Variants in CLVS1 observed in about 807,000 individuals in gnomAD.
The protein encoded by CLVS1 is clavesin 1.
CLVS1 carries 10 observed loss-of-function variants against 33.1 expected under a neutral mutation model. The ratio of observed to expected loss-of-function variants is 0.30; its 90% CI spans 0.19 to 0.51. The LOEUF (loss-of-function observed/expected upper bound fraction) is 0.51, where lower values mean the gene tolerates loss of function less well. CLVS1 is among the 20% of genes least tolerant of loss of function. The pLI is 0.97. For synonymous variants in CLVS1, 163 were observed against 166.1 expected (o/e 0.98, Z 0.14); for missense variants, 343 against 433.4 (o/e 0.79, Z 1.85).
intron 1 of CLVS1, among the ~76,000 whole-genome samples, chr8:61,295,636 C>A (rs1324169290): frequency 1.3e-5 from 2 of 152,086 alleles, no homozygotes; most frequent in Non-Finnish European, 2.9e-5. Flanking sequence ...GGTCTTAAAT[C>A]ATAAATAATA....
chr8:60,985,573 A>G, the CLVS1 span, among the ~76,000 whole-genome samples: 1 of 152,148 alleles, frequency 6.6e-6, no homozygotes, highest in Non-Finnish European at 1.5e-5. Context: ...CCTGCCTCAT[A>G]ATTCTCTGCT....
At chr8:61,484,730 T>C (rs1164916741) in intron 5 of CLVS1, among the ~76,000 whole-genome samples, 2 of 152,174 alleles carry the variant, frequency 1.3e-5, no homozygotes, top group African/African-American at 4.8e-5. Context: ...AGCATGGTAC[T>C]GGTACCAAAA....
At chr8:61,273,656 A>C (rs959670547) in intron 2 of CLVS1, among the ~76,000 whole-genome samples, 4 of 152,180 alleles carry the variant, frequency 2.6e-5, no homozygotes, top group African/African-American at 9.7e-5. Flanking sequence ...CCGTGGGCGT[A>C]GGACCCTCCG....
chr8:61,323,926 G>T (rs2349837), intron 2 of CLVS1, among the ~76,000 whole-genome samples: 1 of 152,094 alleles, frequency 6.6e-6, no homozygotes, highest in Non-Finnish European at 1.5e-5. Context: ...AGTTTGCCAA[G>T]GATAATGACC....
chr8:61,054,593 A>C (rs1804444882), upstream of CLVS1, among the ~76,000 whole-genome samples: 1 of 151,986 alleles, frequency 6.6e-6, no homozygotes, highest in African/African-American at 2.4e-5. Context: ...AGCGTCTTAA[A>C]GATACTTGGT....
chr8:60,968,722 C>G, the CLVS1 span, among the ~76,000 whole-genome samples: 1 of 151,660 alleles, frequency 6.6e-6, no homozygotes, highest in Non-Finnish European at 1.5e-5. Flanking sequence ...AACCCCATCT[C>G]TACAAAAAAT....
chr8:61,258,553 AGTT>A (rs1809133685), intron 2 of CLVS1, among the ~76,000 whole-genome samples: 1 of 152,208 alleles, frequency 6.6e-6, no homozygotes, highest in South Asian at 2.1e-4. Context: ...ACAAAGTGCA[AGTT>A]AGTTGCACCA....
intron 1 of CLVS1, among the ~76,000 whole-genome samples, chr8:61,069,423 TC>T: frequency 6.6e-6 from 1 of 152,224 alleles, no homozygotes. Context: ...CTTCCTTCCT[TC>T]CTTCCTCTGT....
At chr8:61,205,252 T>C (rs995164163) in intron 2 of CLVS1, among the ~76,000 whole-genome samples, 6 of 152,140 alleles carry the variant, frequency 3.9e-5, no homozygotes, top group Non-Finnish European at 5.9e-5. Context: ...TCCACAAGTT[T>C]TTCATCTTTC....
chr8:61,095,558 A>G (rs1457245140), intron 1 of CLVS1, among the ~76,000 whole-genome samples: 2 of 152,196 alleles, frequency 1.3e-5, no homozygotes, highest in Admixed American at 1.3e-4. Flanking sequence ...AACCCCAGGT[A>G]GGCCAGCGAC....
intron 4 of CLVS1, among the ~76,000 whole-genome samples, chr8:61,454,799 A>G (rs765905257): frequency 6.6e-6 from 1 of 152,162 alleles, no homozygotes; most frequent in African/African-American, 2.4e-5. Flanking sequence ...TTTTCCATCA[A>G]TCAGAGTTGG....
At chr8:61,394,631 C>T (rs1814444523) in intron 3 of CLVS1, among the ~76,000 whole-genome samples, 1 of 152,128 alleles carries the variant, frequency 6.6e-6, no homozygotes, top group South Asian at 2.1e-4. Context: ...CGGTGACAGG[C>T]CTCACCCAGC....
the CLVS1 span, among the ~76,000 whole-genome samples, chr8:61,046,897 A>G: frequency 6.6e-6 from 1 of 152,148 alleles, no homozygotes; most frequent in East Asian, 1.9e-4. Flanking sequence ...GGGCTGAGAC[A>G]ATGGGGTTTT....
intron 2 of CLVS1, among the ~76,000 whole-genome samples, chr8:61,240,263 C>T (rs1183526159): frequency 6.6e-6 from 1 of 152,198 alleles, no homozygotes; most frequent in Non-Finnish European, 1.5e-5. Context: ...CTTCTCTCAC[C>T]TCCGTTCTCC....
At chr8:61,391,068 A>G (rs1814285126) in intron 3 of CLVS1, 1 of 151,594 alleles carries the variant, frequency 6.6e-6, no homozygotes, top group Admixed American at 6.6e-5. Context: ...CTATTTCTCT[A>G]TGTATTTTGA....
intron 2 of CLVS1, among the ~76,000 whole-genome samples, chr8:61,239,190 C>T (rs1808637487): frequency 6.6e-6 from 1 of 151,818 alleles, no homozygotes; most frequent in South Asian, 2.1e-4. Flanking sequence ...TTGTTTAATC[C>T]CCTCTGTAAT....
At chr8:61,461,985 A>G (rs780025335) in intron 5 of CLVS1, among the ~76,000 whole-genome samples, 3 of 152,240 alleles carry the variant, frequency 2.0e-5, no homozygotes, top group Non-Finnish European at 4.4e-5. Flanking sequence ...GAGAAATGAC[A>G]TAATAAGATC....
intron 3 of CLVS1, among the ~76,000 whole-genome samples, chr8:61,453,739 G>A (rs1344942926): frequency 2.0e-5 from 3 of 152,210 alleles, no homozygotes; most frequent in South Asian, 2.1e-4. Flanking sequence ...GGGTGGGAGC[G>A]GGAGAGTGGA....
chr8:61,391,417 A>G (rs536362571), intron 3 of CLVS1, among the ~76,000 whole-genome samples: 72 of 152,314 alleles, frequency 4.7e-4, no homozygotes, highest in African/African-American at 1.3e-3. Context: ...GAAGAAAAGG[A>G]AAAATGAGGT....
Sources: gnomAD v4.1 joint callset for allele counts (sites outside exome capture counted in the v4.1 genomes callset) on GRCh38, gnomAD v4.1.1 for gene constraint, MANE v1.5 for transcripts, NCBI Gene and HGNC (gene_info 2026-07-23, HGNC 2026-07-21) for gene names.